The following TSPEAR variants were observed in gnomAD, a reference collection of about 807,000 sequenced individuals.
TSPEAR encodes the protein thrombospondin type laminin G domain and EAR repeats.
TSPEAR carries 69 observed loss-of-function variants against 71.6 expected under a neutral mutation model. The observed-to-expected ratio is 0.96, with a 90% CI of 0.79 to 1.18. The LOEUF is 1.18. Ranked by LOEUF, TSPEAR falls within the 50% of genes most tolerant of loss-of-function variation. The probability of loss-of-function intolerance (pLI) is 0.00; values close to 1 mark genes in which losing one functional copy is unlikely to be tolerated. For missense variants in TSPEAR, 971 were observed against 894.9 expected, an observed-to-expected ratio of 1.09 and a Z score of -1.09; for synonymous variants, 402 against 387.2, an observed-to-expected ratio of 1.04 and a Z score of -0.45.
At chr21:44,599,656 GT>G (rs1430714831) in intron 1 of TSPEAR, among the ~76,000 whole-genome samples, 54 of 152,382 alleles carry the variant, frequency 3.5e-4, no homozygotes, top group African/African-American at 1.2e-3. Flanking sequence ...TGCTTGAGAA[GT>G]AAAAGTATCG....
chr21:44,557,113 G>A (rs919519724), intron 2 of TSPEAR, among the ~76,000 whole-genome samples: 7 of 152,154 alleles, frequency 4.6e-5, no homozygotes, highest in Admixed American at 2.0e-4. Context: ...ATTTGCGGCC[G>A]GCATAATGTG....
rs372325865 is a variant in TSPEAR at position 44,666,614 on chromosome 21, C to T, written c.82+44819G>A. 45 of 1,614,124 alleles carry T rather than the reference C, an allele frequency of 2.8e-5. 1 individual carries two copies. The African/African-American group carries it at 5.1e-4, about 18-fold the overall frequency. ...AGGAGGGGGCTGCACACACAATGGG[C>T]CTGCAGCTCACAGGCACACACACAG... On this transcript the variant is annotated intron_variant, in intron 1 of 11. Coordinates refer to ENST00000323084, the MANE Select transcript of TSPEAR (RefSeq NM_144991.3).
chr21:44,577,640 C>T (rs1230622163), intron 1 of TSPEAR, among the ~76,000 whole-genome samples: 4 of 152,224 alleles, frequency 2.6e-5, no homozygotes, highest in Middle Eastern at 3.2e-3. Flanking sequence ...TCCCACCAGG[C>T]CCTGCCTCCA....
chr21:44,550,409 G>A (rs1445609844), intron 2 of TSPEAR: 7 of 601,726 alleles, frequency 1.2e-5, no homozygotes, highest in Non-Finnish European at 1.8e-5. Flanking sequence ...ACGCTCCTGG[G>A]GGTGAGACCC....
At position 44,533,746 on chromosome 21, in the gene TSPEAR, C is replaced by T; in HGVS notation, c.481G>A (p.Val161Ile). ...AAGACGCCTGCGGACACAGCCAGGA[C>T]CAGTGTGTGCCAGCGGCCATCCACC... Reference protein sequence around the residue: ...ALVDGRWHTLVLAVSAGVFSL... With the variant: ...ALVDGRWHTLILAVSAGVFSL... Residue 161 changes from valine (V) to isoleucine (I), a missense_variant, in exon 3 of 12, where the codon GTC becomes ATC. Coordinates refer to ENST00000323084, the MANE Select transcript of TSPEAR (RefSeq NM_144991.3). The T allele has an allele frequency of 6.2e-7, 1 of 1,612,410 alleles. No homozygotes were observed. The highest frequency in any genetic ancestry group is 8.5e-7 in the Non-Finnish European group (1 of 1,179,856).
At chr21:44,597,442 T>C (rs1980444083) in intron 1 of TSPEAR, among the ~76,000 whole-genome samples, 6 of 149,930 alleles carry the variant, frequency 4.0e-5, no homozygotes, top group Admixed American at 3.3e-4. Context: ...CTTTTCTTTT[T>C]TTTTTTTTTG....
At position 44,646,677 on chromosome 21, in the gene TSPEAR, C is replaced by T. The variant is rs782562198; in HGVS notation, c.82+64756G>A. 75 of 1,614,058 alleles carry T rather than the reference C, an allele frequency of 4.6e-5. No individual in the cohort carries two copies. The Middle Eastern group carries it at 6.7e-4, about 14-fold the overall frequency. On this transcript the variant is annotated intron_variant, in intron 1 of 11. Coordinates refer to ENST00000323084, the MANE Select transcript of TSPEAR (RefSeq NM_144991.3). ...GCGCCTGCCAATCAGGCTGCACCAG[C>T]TCCTGCACGCCGTCATGCTGCCAGC...
intron 1 of TSPEAR, among the ~76,000 whole-genome samples, chr21:44,613,987 C>T (rs1436886364): frequency 1.3e-5 from 2 of 152,080 alleles, no homozygotes; most frequent in East Asian, 3.9e-4. Flanking sequence ...GGCCTCTCCT[C>T]CTCCCACCCT....
chr21:44,699,024 G>A (rs1038838240), intron 1 of TSPEAR, among the ~76,000 whole-genome samples: 1 of 152,016 alleles, frequency 6.6e-6, no homozygotes, highest in Non-Finnish European at 1.5e-5. Context: ...AACATAGTGA[G>A]ACCTTGTCTC....
At chr21:44,636,573 C>A (rs1217831637) in intron 1 of TSPEAR, among the ~76,000 whole-genome samples, 2 of 152,198 alleles carry the variant, frequency 1.3e-5, no homozygotes, top group Non-Finnish European at 2.9e-5. Context: ...AGAGTAAGAC[C>A]AGGCGTCCGG....
intron 2 of TSPEAR, among the ~76,000 whole-genome samples, chr21:44,552,954 GAGCCGAAGGGA>G (rs1477246494): frequency 3.3e-5 from 5 of 152,238 alleles, no homozygotes; most frequent in African/African-American, 1.2e-4. Context: ...GCCAGGGTGA[GAGCCGAAGGGA>G]AGCCGAGGCA....
At position 44,527,469 on chromosome 21, in the gene TSPEAR, G is replaced by A. The variant is rs2052880794; in HGVS notation, c.972C>T (p.Asn324=). The change falls in exon 7 of 12, where the codon AAC becomes AAT. Residue 324 remains asparagine, a synonymous_variant. Transcript: ENST00000323084. ...YVEEHQNLST[N]SETLGIEVFR... ...ACACCTCAATGCCCAGGGTCTCTGA[G>A]TTGGTGGACAAGTTCTGATGCTCCT... The A allele has an allele frequency of 6.2e-7, 1 of 1,614,218 alleles. No individual in the cohort carries two copies. Among genetic ancestry groups the A allele is most frequent in the Non-Finnish European group, 8.5e-7 (1 of 1,180,046 alleles).
At chr21:44,537,916 C>T (rs370473786) in intron 2 of TSPEAR, among the ~76,000 whole-genome samples, 36 of 152,300 alleles carry the variant, frequency 2.4e-4, no homozygotes, top group East Asian at 5.8e-4. Flanking sequence ...GCCGTCAGTG[C>T]GGAGGGCAGG....
chr21:44,628,328 C>A, intron 1 of TSPEAR: 2 of 382,610 alleles, frequency 5.2e-6, no homozygotes, highest in Non-Finnish European at 9.8e-6. Flanking sequence ...GTCTCACCCC[C>A]AGCAGCGTCA....
chr21:44,695,301 A>C lies in TSPEAR; in HGVS notation c.82+16132T>G, dbSNP rs114567987. Among the ~76,000 whole-genome samples the C allele has an allele frequency of 6.1e-3, 925 of 152,198 alleles. 11 individuals carry two copies. Among genetic ancestry groups the C allele is most frequent in the African/African-American group, 0.021 (888 of 41,526 alleles). ...TGTCTCTCAGGTACGCAAGTGCACC[A>C]CAGACTCTGATATGTACAGAACAGG... is the stretch of plus-strand genomic sequence containing the variant. On this transcript the variant is annotated intron_variant, in intron 1 of 11. Transcript: ENST00000323084. This position sits in a 1 kb window ranked among gnomAD's most constrained non-coding sequence, Gnocchi z 4.5.
chr21:44,674,118 C>CAAAA (rs35708048), intron 1 of TSPEAR, among the ~76,000 whole-genome samples: 1 of 136,940 alleles, frequency 7.3e-6, no homozygotes, highest in African/African-American at 2.7e-5. Flanking sequence ...GACTCCATCT[C>CAAAA]AAAAAAAAAA....
intron 9 of TSPEAR, chr21:44,518,584 T>A (rs587630204): frequency 2.2e-6 from 1 of 462,780 alleles, no homozygotes; most frequent in African/African-American, 2.0e-5. Context: ...TAGGAGACCT[T>A]GCCTAGTTGA....
intron 1 of TSPEAR, among the ~76,000 whole-genome samples, chr21:44,680,846 A>G (rs1986549252): frequency 6.6e-6 from 1 of 152,256 alleles, no homozygotes; most frequent in South Asian, 2.1e-4. Flanking sequence ...GAATGATATT[A>G]CCAGAGGTGA....
At chr21:44,599,566 T>C (rs1443058284) in intron 1 of TSPEAR, among the ~76,000 whole-genome samples, 2 of 152,252 alleles carry the variant, frequency 1.3e-5, no homozygotes, top group Non-Finnish European at 2.9e-5. Context: ...TCAGGGTTAC[T>C]ACCCCTTCAC....
Sources: gnomAD v4.1 joint callset for allele counts (sites outside exome capture counted in the v4.1 genomes callset) on GRCh38, gnomAD v4.1.1 for gene constraint, Gnocchi (gnomAD v3.1) non-coding constraint, MANE v1.5 for transcripts, NCBI Gene and HGNC (gene_info 2026-07-23, HGNC 2026-07-21) for gene names.